RUNX2: variants seen among roughly 807,000 people sequenced by gnomAD.
RUNX2 encodes RUNX family transcription factor 2.
In RUNX2, 10 loss-of-function variants were observed where a neutral mutation model predicts 51.7. That is an observed-to-expected ratio of 0.19 (90% CI 0.12 to 0.33). RUNX2 has a LOEUF of 0.33. Ranked by LOEUF, RUNX2 falls within the 10% of genes least tolerant of loss-of-function variation. RUNX2 has a pLI of 1.00. For synonymous variants in RUNX2, 276 were observed against 273.6 expected (o/e 1.01, Z -0.09); for missense variants, 562 against 691.3 (o/e 0.81, Z 2.10).
chr6:45,430,113 T>A (rs75251925), intron 3 of RUNX2, among the ~76,000 whole-genome samples: 1,889 of 150,788 alleles, frequency 0.013, 46 homozygotes, highest in African/African-American at 0.044. Flanking sequence ...AAAAAATTAA[T>A]AAAACACTTA....
chr6:45,353,743 A>G (rs1487749817), intron 2 of RUNX2, among the ~76,000 whole-genome samples: 1 of 152,116 alleles, frequency 6.6e-6, no homozygotes, highest in Non-Finnish European at 1.5e-5. Flanking sequence ...AATAAGATAT[A>G]TAAGACTGAT....
chr6:45,381,266 G>T (rs1004614965), intron 2 of RUNX2, among the ~76,000 whole-genome samples: 1 of 152,124 alleles, frequency 6.6e-6, no homozygotes, highest in African/African-American at 2.4e-5. Context: ...CCCAGTTTTT[G>T]TATCTGTGGA....
At chr6:45,491,630 T>G (rs1014397697) in intron 5 of RUNX2, among the ~76,000 whole-genome samples, 2 of 148,582 alleles carry the variant, frequency 1.3e-5, no homozygotes, top group East Asian at 2.0e-4. Context: ...TTGTTTTTTT[T>G]TTTTTTTTTT....
intron 6 of RUNX2, among the ~76,000 whole-genome samples, chr6:45,502,631 G>C (rs1431569006): frequency 6.6e-6 from 1 of 152,180 alleles, no homozygotes. Context: ...GCAGCTAAGA[G>C]CCCGAAGCCT....
At chr6:45,352,951 A>C (rs1031186856) in intron 2 of RUNX2, among the ~76,000 whole-genome samples, 5 of 152,104 alleles carry the variant, frequency 3.3e-5, no homozygotes, top group Admixed American at 3.3e-4. Context: ...AATTGAGGGA[A>C]TAGTTTGGCT....
At chr6:45,360,396 T>C (rs763797862) in intron 2 of RUNX2, among the ~76,000 whole-genome samples, 4 of 152,234 alleles carry the variant, frequency 2.6e-5, no homozygotes, top group Non-Finnish European at 4.4e-5. Context: ...GGAATTACAG[T>C]ATGTTCGTAC....
intron 2 of RUNX2, among the ~76,000 whole-genome samples, chr6:45,363,720 A>C (rs1444254868): frequency 1.3e-5 from 2 of 152,118 alleles, no homozygotes; most frequent in South Asian, 2.1e-4. Context: ...AACACTTATA[A>C]TTTTCCATAA....
intron 2 of RUNX2, among the ~76,000 whole-genome samples, chr6:45,374,691 A>G (rs1252719688): frequency 6.6e-6 from 1 of 152,180 alleles, no homozygotes; most frequent in African/African-American, 2.4e-5. Context: ...CAACACAAAT[A>G]CTCAATCACC....
chr6:45,508,679 A>G (rs1437483945), intron 6 of RUNX2, among the ~76,000 whole-genome samples: 1 of 152,212 alleles, frequency 6.6e-6, no homozygotes, highest in Non-Finnish European at 1.5e-5. Flanking sequence ...GATCTTGAGA[A>G]CTTACTTTTC....
chr6:45,473,534 G>T (rs548473636), intron 5 of RUNX2, among the ~76,000 whole-genome samples: 46 of 152,230 alleles, frequency 3.0e-4, no homozygotes, highest in African/African-American at 1.1e-3. Context: ...CTTGACGACA[G>T]GTGCTAATCT....
intron 7 of RUNX2, among the ~76,000 whole-genome samples, chr6:45,530,894 G>C (rs1374067054): frequency 6.6e-6 from 1 of 152,124 alleles, no homozygotes; most frequent in Non-Finnish European, 1.5e-5. Context: ...TAACTCCAAA[G>C]GTGAGAGTAA....
chr6:45,531,286 T>C (rs766350166), intron 7 of RUNX2, among the ~76,000 whole-genome samples: 1 of 152,162 alleles, frequency 6.6e-6, no homozygotes, highest in Non-Finnish European at 1.5e-5. Flanking sequence ...GATAACACCA[T>C]TAATCCTTAC....
At chr6:45,382,738 C>T (rs115987279) in intron 2 of RUNX2, among the ~76,000 whole-genome samples, 285 of 152,212 alleles carry the variant, frequency 1.9e-3, no homozygotes, top group African/African-American at 6.6e-3. Context: ...AGATTGACAT[C>T]GTAAGATTTA....
At chr6:45,440,963 G>A (rs1286188150) in intron 5 of RUNX2, among the ~76,000 whole-genome samples, 1 of 152,110 alleles carries the variant, frequency 6.6e-6, no homozygotes, top group Non-Finnish European at 1.5e-5. Flanking sequence ...AATAATTGGT[G>A]GGCCAAGTTG....
At chr6:45,390,954 C>T (rs569358423) in intron 2 of RUNX2, among the ~76,000 whole-genome samples, 7 of 152,226 alleles carry the variant, frequency 4.6e-5, no homozygotes, top group African/African-American at 1.4e-4. Flanking sequence ...GACTCTCTTC[C>T]CTCTGATCAA....
At chr6:45,403,660 A>C (rs1054272350) in intron 2 of RUNX2, among the ~76,000 whole-genome samples, 1 of 152,192 alleles carries the variant, frequency 6.6e-6, no homozygotes, top group Non-Finnish European at 1.5e-5. Flanking sequence ...TATTCTAACT[A>C]GTCTTTATTG....
chr6:45,507,609 T>C lies in RUNX2; in HGVS notation c.860-4637T>C, dbSNP rs185195708. On this transcript the variant is annotated intron_variant, in intron 6 of 8. Transcript: ENST00000647337. ...TGAAGACATTTTACAGCCATTTTTT[T>C]CCCCACTAAAAGATTGAAAAGGTTA... 3.2e-3 allele frequency among the ~76,000 whole-genome samples: 489 copies of C among 152,272 alleles called. 1 individual carries two copies. The highest frequency in any genetic ancestry group is 0.011 in the African/African-American group (454 of 41,552).
At chr6:45,416,970 T>A (rs554910585) in intron 2 of RUNX2, among the ~76,000 whole-genome samples, 76 of 152,274 alleles carry the variant, frequency 5.0e-4, no homozygotes, top group African/African-American at 1.7e-3. Context: ...AAACATTTCA[T>A]CTCTTGTTAC....
At chr6:45,442,508 A>T (rs1371052533) in intron 5 of RUNX2, among the ~76,000 whole-genome samples, 2 of 152,246 alleles carry the variant, frequency 1.3e-5, no homozygotes, top group African/African-American at 4.8e-5. Flanking sequence ...AAACTTGGTT[A>T]GCAACATCAT....
Sources: gnomAD v4.1 joint callset for allele counts (sites outside exome capture counted in the v4.1 genomes callset) on GRCh38, gnomAD v4.1.1 for gene constraint, MANE v1.5 for transcripts, NCBI Gene and HGNC (gene_info 2026-07-23, HGNC 2026-07-21) for gene names.